The following FANK1 variants were observed in gnomAD, a reference collection of about 807,000 sequenced individuals.
FANK1 encodes fibronectin type 3 and ankyrin repeat domains protein 1.
FANK1 carries 44 observed loss-of-function variants against 45.3 expected under a neutral mutation model. The observed-to-expected ratio is 0.97, with a 90% CI of 0.76 to 1.25. The LOEUF is 1.25. Ranked by LOEUF, FANK1 falls within the 50% of genes most tolerant of loss-of-function variation. The pLI, the probability that FANK1 is intolerant of heterozygous loss-of-function variation, is 0.00. For synonymous variants in FANK1, 149 were observed against 152.5 expected, an observed-to-expected ratio of 0.98 and a Z score of 0.17; for missense variants, 391 against 424.4, an observed-to-expected ratio of 0.92 and a Z score of 0.69.
chr10:125,920,237 G>T (rs1946849862), intron 1 of FANK1, among the ~76,000 whole-genome samples: 1 of 152,196 alleles, frequency 6.6e-6, no homozygotes. Flanking sequence ...GCCTGTACAT[G>T]TTGCTTTTAT....
At chr10:125,949,608 TAAAAG>T (rs1278848420) in intron 1 of FANK1, among the ~76,000 whole-genome samples, 1 of 141,228 alleles carries the variant, frequency 7.1e-6, no homozygotes. Context: ...CTCAAGGAAA[TAAAAG>T]AGGATACAAA....
chr10:125,951,123 T>C (rs12765418), intron 1 of FANK1, among the ~76,000 whole-genome samples: 17 of 143,466 alleles, frequency 1.2e-4, no homozygotes, highest in African/African-American at 3.8e-4. Flanking sequence ...GGGATAGCAA[T>C]GGGAGATATA....
chr10:125,979,886 T>G, intron 1 of FANK1: 1 of 558,500 alleles, frequency 1.8e-6, no homozygotes, highest in Non-Finnish European at 3.4e-6. Flanking sequence ...GTTTGATATG[T>G]TAAGCAGCCC....
intron 1 of FANK1, among the ~76,000 whole-genome samples, chr10:125,928,332 G>A (rs1251227835): frequency 1.4e-5 from 2 of 146,546 alleles, no homozygotes; most frequent in African/African-American, 2.5e-5. Context: ...GTAAACTGTC[G>A]TGGTGCTAGT....
intron 3 of FANK1, among the ~76,000 whole-genome samples, chr10:125,991,079 C>T (rs2134213270): frequency 6.6e-6 from 1 of 152,298 alleles, no homozygotes; most frequent in African/African-American, 2.4e-5. Flanking sequence ...GGGGACACAG[C>T]CAAACTATAT....
At chr10:125,959,250 C>T (rs1949768332) in intron 1 of FANK1, among the ~76,000 whole-genome samples, 1 of 151,324 alleles carries the variant, frequency 6.6e-6, no homozygotes, top group African/African-American at 2.4e-5. Flanking sequence ...TCCACACACA[C>T]ACACAAATTA....
chr10:125,898,890 T>C (rs199766022), intron 1 of FANK1, among the ~76,000 whole-genome samples: 1 of 131,522 alleles, frequency 7.6e-6, no homozygotes, highest in African/African-American at 2.9e-5. Flanking sequence ...TTAGCTCAAG[T>C]TTTGTTGTTT....
chr10:125,898,236 C>A (rs911066142), intron 1 of FANK1, among the ~76,000 whole-genome samples: 2 of 152,072 alleles, frequency 1.3e-5, no homozygotes, highest in Non-Finnish European at 2.9e-5. Context: ...TTACTGTTTT[C>A]ATGTGTAAAC....
At chr10:125,953,119 G>A (rs1456866640) in intron 1 of FANK1, among the ~76,000 whole-genome samples, 2 of 152,188 alleles carry the variant, frequency 1.3e-5, no homozygotes, top group African/African-American at 4.8e-5. Context: ...TGGGTCAGTA[G>A]GACTGGTGTC....
chr10:125,926,564 A>T (rs1280353537), intron 1 of FANK1, among the ~76,000 whole-genome samples: 2 of 152,252 alleles, frequency 1.3e-5, no homozygotes, highest in African/African-American at 4.8e-5. Context: ...ATATTTTGAG[A>T]TTGAGTTTTT....
At chr10:125,980,513 T>A (rs1205238515) in intron 2 of FANK1, 175 bp downstream of exon 2, 1 of 627,840 alleles carries the variant, frequency 1.6e-6, no homozygotes, top group East Asian at 2.9e-5. Context: ...TAGCAGTAAC[T>A]TTGAAATTAA....
rs376198060 is a variant in FANK1 at position 125,999,361 on chromosome 10, G to A, written c.539+1876G>A. Among the ~76,000 whole-genome samples, 8 of 151,950 alleles carry A rather than the reference G, an allele frequency of 5.3e-5. No individual in the cohort carries two copies. The East Asian group carries it at 7.8e-4, about 15-fold the overall frequency. On this transcript the variant is annotated intron_variant, in intron 6 of 10. Coordinates refer to ENST00000368693, the MANE Select transcript of FANK1 (RefSeq NM_145235.5). Reference sequence around the variant, plus strand: ...ACTATAGGCGCCCACCACCACACCCGGCTAACTTCTTGTATTTTTAGTAGA... The same window carrying A: ...ACTATAGGCGCCCACCACCACACCCAGCTAACTTCTTGTATTTTTAGTAGA...
intron 1 of FANK1, among the ~76,000 whole-genome samples, chr10:125,917,278 A>G (rs1335315243): frequency 6.6e-6 from 1 of 152,194 alleles, no homozygotes; most frequent in Non-Finnish European, 1.5e-5. Context: ...AACTATTACA[A>G]AAAAGTAACC....
At chr10:125,962,001 CAAAA>C (rs1949955508) in intron 1 of FANK1, among the ~76,000 whole-genome samples, 1 of 152,008 alleles carries the variant, frequency 6.6e-6, no homozygotes, top group African/African-American at 2.4e-5. Flanking sequence ...TTACATCAAA[CAAAA>C]AAGCTTCTGC....
chr10:125,946,193 C>G lies in FANK1; in HGVS notation c.14-33968C>G, dbSNP rs545964353. On this transcript the variant is annotated intron_variant, in intron 1 of 10. Transcript: ENST00000368693. ...CAGAAAAACTGGAAACTCTAAAACG[C>G]AGAGCACCTCTCCTCCTCCAAAGGA... is the stretch of plus-strand genomic sequence containing the variant. Among the ~76,000 whole-genome samples, 395 of 151,960 alleles carry G rather than the reference C, an allele frequency of 2.6e-3. 1 individual carries two copies. The highest frequency in any genetic ancestry group is 8.8e-3 in the African/African-American group (365 of 41,458).
intron 1 of FANK1, among the ~76,000 whole-genome samples, chr10:125,964,763 A>G (rs761866782): frequency 6.6e-6 from 1 of 152,226 alleles, no homozygotes; most frequent in Non-Finnish European, 1.5e-5. Flanking sequence ...TTGCAGGATG[A>G]TAGAGAATGC....
At chr10:125,905,238 T>G in intron 1 of FANK1, among the ~76,000 whole-genome samples, 1 of 152,312 alleles carries the variant, frequency 6.6e-6, no homozygotes. Context: ...GAATAGCCAC[T>G]GCACTCCAGC....
intron 1 of FANK1, among the ~76,000 whole-genome samples, chr10:125,926,956 C>A (rs1345140457): frequency 6.6e-6 from 1 of 152,230 alleles, no homozygotes; most frequent in Non-Finnish European, 1.5e-5. Context: ...CTAGTTAACA[C>A]CTAAGAAATG....
At position 125,994,919 on chromosome 10, in the gene FANK1, G is replaced by A. The variant is rs963357471; in HGVS notation, c.317-498G>A. ...GCTCCCCACCTTCCTGTGGGTCGAAGCCCTTCTGCCCCCAGAAGCTCAGAG... is the reference window on the plus strand; with the variant it reads ...GCTCCCCACCTTCCTGTGGGTCGAAACCCTTCTGCCCCCAGAAGCTCAGAG... On this transcript the variant is annotated intron_variant, in intron 3 of 10. Transcript: ENST00000368693. 7.1e-6 allele frequency: 7 copies of A among 985,220 alleles called. No individual in the cohort carries two copies. In the African/African-American group the frequency reaches 1.2e-4, roughly 17 times the overall value. The allele number at this position is 985,220 out of a possible 1,614,324, so 61.0% of individuals were successfully genotyped here. A position where few individuals can be genotyped will look rare whatever the true frequency, so the allele number is the denominator to read the frequency against.
Sources: allele counts gnomAD v4.1 joint callset (sites outside exome capture counted in the v4.1 genomes callset), GRCh38; gene constraint gnomAD v4.1.1; transcripts MANE v1.5; gene names NCBI Gene and HGNC (gene_info 2026-07-23, HGNC 2026-07-21).